The following TMEM14A variants were observed in gnomAD, a reference collection of about 807,000 sequenced individuals.
The protein encoded by TMEM14A is transmembrane protein 14A.
Under a neutral mutation model 11.6 loss-of-function variants are expected in TMEM14A, and 8 were observed. The observed-to-expected ratio is 0.69, with a 90% confidence interval of 0.40 to 1.24. The LOEUF is 1.24. Among genes scored for constraint, TMEM14A ranks in the 50% most tolerant of loss-of-function variants. The pLI is 0.01. For synonymous variants in TMEM14A, 34 were observed against 45.5 expected, an observed-to-expected ratio of 0.75 and a Z score of 1.02; for missense variants, 108 against 121.9, an observed-to-expected ratio of 0.89 and a Z score of 0.54.
chr6:52,684,444 C>A (rs2127266114), intron 4 of TMEM14A, among the ~76,000 whole-genome samples: 1 of 152,296 alleles, frequency 6.6e-6, no homozygotes, highest in East Asian at 1.9e-4. Context: ...CCTCATTTTT[C>A]CTCAAGATTC....
chr6:52,671,171 T>C lies in TMEM14A; in HGVS notation c.-91T>C, dbSNP rs997828884. 1 of 152,324 alleles carries C rather than the reference T, an allele frequency of 6.6e-6. No individual in the cohort carries two copies. The highest frequency in any genetic ancestry group is 1.5e-5 in the Non-Finnish European group (1 of 68,096). 9.4% of individuals were successfully genotyped at this position (152,324 alleles called of 1,614,324 possible). A position where few individuals can be genotyped will look rare whatever the true frequency, so the allele number is the denominator to read the frequency against. On this transcript the variant is annotated 5_prime_UTR_variant, in exon 1 of 5. Coordinates refer to ENST00000211314, the MANE Select transcript of TMEM14A (RefSeq NM_014051.4). ...GCTGGTGCGGAGACTGCTTCCGGAC[T>C]CCAGGTACCGCGCTTGGCGGCAGCT...
In TMEM14A at chr6:52,686,217, A is replaced by C; in HGVS notation, c.*168A>C. 1 of 510,214 alleles carries C rather than the reference A, an allele frequency of 2.0e-6. No individual in the cohort carries two copies. The highest frequency in any genetic ancestry group is 3.9e-5 in the Admixed American group (1 of 25,756). The allele number at this position is 510,214 out of a possible 1,614,324, so 31.6% of individuals were successfully genotyped here. A position where few individuals can be genotyped will look rare whatever the true frequency, so the allele number is the denominator to read the frequency against. On this transcript the variant is annotated 3_prime_UTR_variant, in exon 5 of 5. Coordinates refer to ENST00000211314, the MANE Select transcript of TMEM14A (RefSeq NM_014051.4). ...TGAGGTAGTTTTTTTCTAAAGCAAAAATTTTAACTGTTTTCTAATTGTCAA... is the reference window on the plus strand; with the variant it reads ...TGAGGTAGTTTTTTTCTAAAGCAAACATTTTAACTGTTTTCTAATTGTCAA...
intron 4 of TMEM14A, 120 bp from the exon 5 acceptor site, chr6:52,685,890 C>A: frequency 2.5e-6 from 2 of 812,030 alleles, no homozygotes; most frequent in Non-Finnish European, 3.8e-6. Flanking sequence ...AGGGGTTGAG[C>A]TGGGAGAGCC....
chr6:52,673,065 G>A (rs1386544598), intron 1 of TMEM14A, among the ~76,000 whole-genome samples: 3 of 152,124 alleles, frequency 2.0e-5, no homozygotes, highest in African/African-American at 7.2e-5. Context: ...TGTGCCATTA[G>A]GGCCTTGCAC....
chr6:52,680,403 A>G (rs1018981935), intron 2 of TMEM14A, among the ~76,000 whole-genome samples: 25 of 151,338 alleles, frequency 1.7e-4, no homozygotes, highest in African/African-American at 5.8e-4. Flanking sequence ...CCCACAATAT[A>G]GCAAACTGGA....
intron 2 of TMEM14A, among the ~76,000 whole-genome samples, chr6:52,680,660 T>TATATATGTGTCTATATATATATAC (rs1561875028): frequency 2.1e-5 from 1 of 46,708 alleles, no homozygotes; most frequent in Non-Finnish European, 4.7e-5. Flanking sequence ...TGTGTGTGTA[T>TATATATGTGTCTATATATATATAC]ATATATGTGT....
At chr6:52,676,271 G>T (rs1354815441) in intron 1 of TMEM14A, among the ~76,000 whole-genome samples, 2 of 152,086 alleles carry the variant, frequency 1.3e-5, no homozygotes, top group Admixed American at 1.3e-4. Context: ...TTTTTCCCTT[G>T]AGACAGGGTG....
intron 2 of TMEM14A, among the ~76,000 whole-genome samples, chr6:52,678,198 A>G (rs771491068): frequency 2.0e-5 from 3 of 152,208 alleles, no homozygotes; most frequent in African/African-American, 4.8e-5. Context: ...AAAAATTTTC[A>G]CTGTCAAAGA....
chr6:52,674,646 A>T (rs758590461), intron 1 of TMEM14A, among the ~76,000 whole-genome samples: 1 of 152,176 alleles, frequency 6.6e-6, no homozygotes, highest in Non-Finnish European at 1.5e-5. Context: ...TTGTTTAGCC[A>T]TCATTCAGTC....
chr6:52,676,878 A>G (rs577021229), intron 1 of TMEM14A, among the ~76,000 whole-genome samples: 4 of 152,236 alleles, frequency 2.6e-5, no homozygotes, highest in African/African-American at 7.2e-5. Flanking sequence ...ATGGAACAGC[A>G]CTAGGGGGAT....
At chr6:52,674,886 CTTCTTTTTTTTTT>C (rs1769226313) in intron 1 of TMEM14A, among the ~76,000 whole-genome samples, 1 of 66,230 alleles carries the variant, frequency 1.5e-5, no homozygotes, top group Non-Finnish European at 4.7e-5. Flanking sequence ...CAAAATTCTT[CTTCTTTTTTTTTT>C]TTTTTTTTTT....
intron 1 of TMEM14A, among the ~76,000 whole-genome samples, chr6:52,673,446 C>T (rs868595699): frequency 2.8e-5 from 4 of 143,178 alleles, no homozygotes; most frequent in Middle Eastern, 6.8e-3. Flanking sequence ...GGTTGTTTTC[C>T]TGCCCAGCTC....
At chr6:52,680,691 G>GTGTA (rs758417981) in intron 2 of TMEM14A, among the ~76,000 whole-genome samples, 4 of 35,338 alleles carry the variant, frequency 1.1e-4, no homozygotes, top group Admixed American at 5.9e-4. Flanking sequence ...ATACATATAT[G>GTGTA]TATATATATA....
At chr6:52,684,049 T>A in intron 3 of TMEM14A, 29 bp from the exon 4 acceptor site, 1 of 1,603,304 alleles carries the variant, frequency 6.2e-7, no homozygotes, top group Non-Finnish European at 8.5e-7. Flanking sequence ...TGTTTGAAAC[T>A]CTGGTTCATG....
intron 2 of TMEM14A, among the ~76,000 whole-genome samples, 176 bp from the exon 3 acceptor site, chr6:52,681,637 A>G (rs80056586): frequency 0.014 from 2,121 of 152,288 alleles, 25 homozygotes; most frequent in Non-Finnish European, 0.02. Flanking sequence ...TCAGCAGGAA[A>G]CAGTCATCTC....
rs901457967 is a variant in TMEM14A at position 52,686,417 on chromosome 6, G to A, written c.*368G>A. 5.2e-6 allele frequency: 2 copies of A among 386,212 alleles called. No homozygotes were observed. The highest frequency in any genetic ancestry group is 3.6e-5 in the East Asian group (1 of 27,510). 23.9% of individuals were successfully genotyped at this position (386,212 alleles called of 1,614,324 possible). ...TAAGTGGAGTTCACAGAATGATAATGTATCTATTTGTCATTTGTGTTATAT... is the reference window on the plus strand; with the variant it reads ...TAAGTGGAGTTCACAGAATGATAATATATCTATTTGTCATTTGTGTTATAT... On this transcript the variant is annotated 3_prime_UTR_variant, in exon 5 of 5. Coordinates refer to ENST00000211314, the MANE Select transcript of TMEM14A (RefSeq NM_014051.4).
chr6:52,676,734 AG>A (rs1465769082), intron 1 of TMEM14A, among the ~76,000 whole-genome samples: 4 of 152,218 alleles, frequency 2.6e-5, no homozygotes, highest in Admixed American at 6.5e-5. Context: ...GAGAAGCCTC[AG>A]GAAACTTATA....
intron 2 of TMEM14A, among the ~76,000 whole-genome samples, chr6:52,681,403 A>G (rs1452522748): frequency 6.6e-6 from 1 of 152,182 alleles, no homozygotes; most frequent in Admixed American, 6.5e-5. Context: ...AACTAAAACT[A>G]CCTTTGCATC....
At chr6:52,682,520 G>C (rs1410293943) in intron 3 of TMEM14A, among the ~76,000 whole-genome samples, 1 of 151,590 alleles carries the variant, frequency 6.6e-6, no homozygotes, top group African/African-American at 2.4e-5. Context: ...TATTCAAAGT[G>C]CCTTGGTCGT....
Sources: gnomAD v4.1 joint callset for allele counts (sites outside exome capture counted in the v4.1 genomes callset) on GRCh38, gnomAD v4.1.1 for gene constraint, MANE v1.5 for transcripts, NCBI Gene and HGNC (gene_info 2026-07-23, HGNC 2026-07-21) for gene names.